Variants in GPATCH8 observed in about 807,000 individuals in gnomAD.
GPATCH8 encodes G patch domain-containing protein 8.
A neutral mutation model predicts 118.3 loss-of-function variants in GPATCH8; 18 were observed. The ratio of observed to expected loss-of-function variants is 0.15; its 90% CI spans 0.11 to 0.23. The LOEUF is 0.23. Among genes scored for constraint, GPATCH8 ranks in the 10% least tolerant of loss-of-function variants. GPATCH8 has a pLI of 1.00. For missense variants in GPATCH8, 1,631 were observed against 1,873.8 expected, an observed-to-expected ratio of 0.87 and a Z score of 2.39; for synonymous variants, 659 against 684.7, an observed-to-expected ratio of 0.96 and a Z score of 0.59.
chr17:44,478,575 A>C (rs931327331), intron 1 of GPATCH8, among the ~76,000 whole-genome samples: 1 of 152,032 alleles, frequency 6.6e-6, no homozygotes, highest in Non-Finnish European at 1.5e-5. Context: ...AGGCAGGAGG[A>C]TCACTTCAGC....
Position 44,442,023 on chromosome 17 carries a change from T to C in GPATCH8, c.194-5478A>G, listed in dbSNP as rs541820162. 7.9e-5 allele frequency among the ~76,000 whole-genome samples: 12 copies of C among 151,516 alleles called. No homozygotes were observed. The East Asian group carries it at 2.3e-3, about 29-fold the overall frequency. ...AGACTGGGCAACAAGAGTGAAACTC[T>C]GTCTCAAAGAGACAAAAATAAAATA... On this transcript the variant is annotated intron_variant, in intron 3 of 7. Transcript: ENST00000591680.
At chr17:44,430,246 C>A (rs976288626) in intron 5 of GPATCH8, among the ~76,000 whole-genome samples, 5 of 152,134 alleles carry the variant, frequency 3.3e-5, no homozygotes, top group Non-Finnish European at 7.4e-5. Context: ...AGACTAATAT[C>A]TTTTCTGTGT....
At chr17:44,411,972 G>T (rs1053892688) in intron 6 of GPATCH8, among the ~76,000 whole-genome samples, 3 of 152,124 alleles carry the variant, frequency 2.0e-5, no homozygotes, top group African/African-American at 7.2e-5. Flanking sequence ...GCCCAGGCTG[G>T]AGTACAATGG....
intron 3 of GPATCH8, among the ~76,000 whole-genome samples, chr17:44,440,919 C>A (rs925685111): frequency 6.6e-6 from 1 of 152,136 alleles, no homozygotes; most frequent in Admixed American, 6.5e-5. Flanking sequence ...GACGCAATCT[C>A]GGCTCACTGC....
chr17:44,399,103 G>C lies in GPATCH8; in HGVS notation c.2974C>G (p.Arg992Gly). ...WQRSRSYSRD[R>G]SRSTRSPSQR... Reference sequence around the variant, plus strand: ...GAAGGGCTCCTGGTGCTGCGGCTGCGGTCCCGGCTATAGCTCCGGCTCCGT... The same window carrying C: ...GAAGGGCTCCTGGTGCTGCGGCTGCCGTCCCGGCTATAGCTCCGGCTCCGT... The change falls in exon 8 of 8, where the codon CGC becomes GGC. Residue 992 changes from arginine to glycine, a missense_variant. By Grantham distance (125) the Arg-to-Gly change is moderately radical. Transcript: ENST00000591680. 6.2e-7 allele frequency: 1 copy of C among 1,613,700 alleles called. No homozygotes were observed. The highest frequency in any genetic ancestry group is 1.3e-5 in the African/African-American group (1 of 75,026).
chr17:44,463,920 C>T (rs553092030), intron 3 of GPATCH8, among the ~76,000 whole-genome samples: 1 of 152,066 alleles, frequency 6.6e-6, no homozygotes, highest in Non-Finnish European at 1.5e-5. Context: ...TGAGAAATAA[C>T]CTCTCTGCTC....
chr17:44,445,027 A>G (rs2050827820), intron 3 of GPATCH8, among the ~76,000 whole-genome samples: 1 of 152,240 alleles, frequency 6.6e-6, no homozygotes, highest in Admixed American at 6.5e-5. Context: ...TATCAAGTAG[A>G]ACATATCACT....
At chr17:44,498,992 C>A (rs951406600) in intron 1 of GPATCH8, among the ~76,000 whole-genome samples, 2 of 152,198 alleles carry the variant, frequency 1.3e-5, no homozygotes, top group African/African-American at 4.8e-5. Context: ...TACAAACATA[C>A]TGCATAAATG....
intron 3 of GPATCH8, among the ~76,000 whole-genome samples, chr17:44,450,489 AT>A (rs1227698178): frequency 1.3e-5 from 2 of 152,152 alleles, no homozygotes; most frequent in Non-Finnish European, 2.9e-5. Flanking sequence ...ACCAAATGGG[AT>A]TTACAAGAAA....
intron 3 of GPATCH8, among the ~76,000 whole-genome samples, chr17:44,462,985 TATAAATAAATAAATAA>T (rs57126645): frequency 1.0e-4 from 15 of 149,528 alleles, no homozygotes; most frequent in Middle Eastern, 3.2e-3. Flanking sequence ...CACTTCAAAA[TATAAATAAATAAATAA>T]ATAAATAAAT....
chr17:44,501,597 T>C (rs7210568), intron 1 of GPATCH8, among the ~76,000 whole-genome samples: 75,553 of 151,770 alleles, frequency 0.5, 20,478 homozygotes, highest in Middle Eastern at 0.62. Context: ...AAACTGAGTA[T>C]TGAAAAAGTA....
At chr17:44,441,548 A>AC (rs1452278535) in intron 3 of GPATCH8, among the ~76,000 whole-genome samples, 6 of 151,302 alleles carry the variant, frequency 4.0e-5, no homozygotes, top group African/African-American at 1.5e-4. Flanking sequence ...ACATGGTGAA[A>AC]CCCCATCTCT....
At chr17:44,500,844 C>A (rs1323210208) in intron 1 of GPATCH8, among the ~76,000 whole-genome samples, 1 of 152,122 alleles carries the variant, frequency 6.6e-6, no homozygotes, top group African/African-American at 2.4e-5. Flanking sequence ...TTTTGAATAA[C>A]CTGAAGCTGA....
chr17:44,502,171 C>G (rs1030947080), intron 1 of GPATCH8, among the ~76,000 whole-genome samples: 7 of 152,160 alleles, frequency 4.6e-5, no homozygotes, highest in African/African-American at 1.7e-4. Flanking sequence ...AATTGTTAAA[C>G]TGCTTTACCT....
chr17:44,474,710 AAAC>A (rs1370474433), intron 2 of GPATCH8, 116 bp downstream of exon 2: 1 of 713,768 alleles, frequency 1.4e-6, no homozygotes, highest in South Asian at 1.5e-5. Context: ...GCATGCAAGA[AAAC>A]AACTCTAAAC....
intron 6 of GPATCH8, among the ~76,000 whole-genome samples, chr17:44,412,993 T>C (rs1316650462): frequency 6.6e-6 from 1 of 152,156 alleles, no homozygotes; most frequent in Non-Finnish European, 1.5e-5. Context: ...CAAGAAGATA[T>C]CACCAGGTGG....
At chr17:44,456,869 A>AT (rs36118162) in intron 3 of GPATCH8, among the ~76,000 whole-genome samples, 80 of 147,762 alleles carry the variant, frequency 5.4e-4, no homozygotes, top group South Asian at 2.2e-3. Flanking sequence ...GTACAGAACA[A>AT]TTTTTTTTTT....
intron 3 of GPATCH8, among the ~76,000 whole-genome samples, chr17:44,443,969 T>C (rs2050786605): frequency 6.6e-6 from 1 of 152,208 alleles, no homozygotes; most frequent in East Asian, 1.9e-4. Context: ...CCATGGTGCC[T>C]GGCCAATTTG....
At chr17:44,473,922 G>A (rs1387780448) in intron 2 of GPATCH8, among the ~76,000 whole-genome samples, 2 of 152,082 alleles carry the variant, frequency 1.3e-5, no homozygotes, top group African/African-American at 2.4e-5. Context: ...TAAAATATCC[G>A]TATTCTCTAA....
Sources: allele counts gnomAD v4.1 joint callset (sites outside exome capture counted in the v4.1 genomes callset), GRCh38; gene constraint gnomAD v4.1.1; transcripts MANE v1.5; gene names NCBI Gene and HGNC (gene_info 2026-07-23, HGNC 2026-07-21).